Variants in TBL1Y observed in about 807,000 individuals in gnomAD.
TBL1Y encodes transducin beta like 1 Y-linked, also known as F-box-like/WD repeat-containing protein TBL1Y.
Under a neutral mutation model 12.0 loss-of-function variants are expected in TBL1Y, and 15 were observed. That is an observed-to-expected ratio of 1.25 (90% CI 0.83 to 1.92). TBL1Y has a LOEUF of 1.92. TBL1Y is among the 40% of genes most tolerant of loss of function. The pLI is 0.00. For synonymous variants in TBL1Y, 53 were observed against 42.6 expected (o/e 1.24, Z -0.95); for missense variants, 148 against 116.7 (o/e 1.27, Z -1.24).
At chrY:7,063,671 AAAGTG>A (rs2012917925) in intron 7 of TBL1Y, among the ~76,000 whole-genome samples, 2 of 33,218 alleles carry the variant, frequency 6.0e-5, no homozygotes, top group African/African-American at 1.2e-4. Context: ...GTTAAGTTTA[AAAGTG>A]AAGGTAAAAA....
chrY:6,984,092 T>C (rs2012301740), intron 3 of TBL1Y, among the ~76,000 whole-genome samples: 1 of 33,250 alleles, frequency 3.0e-5, no homozygotes, highest in South Asian at 7.1e-4. Flanking sequence ...GCTGCCCCTG[T>C]ACCTCACTAC....
At chrY:7,062,976 A>C in intron 7 of TBL1Y, among the ~76,000 whole-genome samples, 3 of 33,432 alleles carry the variant, frequency 9.0e-5, no homozygotes, top group Non-Finnish European at 2.2e-4. Flanking sequence ...AGTAATCGCC[A>C]CAGTATGTGA....
chrY:6,924,811 G>T (rs2011816504), intron 2 of TBL1Y, among the ~76,000 whole-genome samples: 1 of 32,914 alleles, frequency 3.0e-5, no homozygotes, highest in Non-Finnish European at 7.4e-5. Context: ...AATAAACTTG[G>T]GTCCTTGCCT....
chrY:6,968,645 C>G, intron 2 of TBL1Y, among the ~76,000 whole-genome samples: 4 of 33,338 alleles, frequency 1.2e-4, no homozygotes, highest in Non-Finnish European at 2.2e-4. Flanking sequence ...TTTCTGCACC[C>G]TTTGGCCTGG....
At chrY:6,938,623 C>G in intron 2 of TBL1Y, among the ~76,000 whole-genome samples, 1 of 33,863 alleles carries the variant, frequency 3.0e-5, no homozygotes, top group African/African-American at 1.1e-4. Context: ...TTGGGCCCAC[C>G]TGGAAGATCC....
chrY:6,964,195 A>G, intron 2 of TBL1Y, among the ~76,000 whole-genome samples: 1 of 32,992 alleles, frequency 3.0e-5, no homozygotes, highest in Non-Finnish European at 7.5e-5. Context: ...AATTACATCA[A>G]CTCCTGCTGA....
chrY:7,066,963 C>T, intron 8 of TBL1Y, among the ~76,000 whole-genome samples: 1 of 33,513 alleles, frequency 3.0e-5, no homozygotes, highest in Non-Finnish European at 7.4e-5. Flanking sequence ...GAGCAAAACA[C>T]TGTCTCAAAA....
At chrY:7,062,830 C>G in intron 7 of TBL1Y, among the ~76,000 whole-genome samples, 2 of 33,373 alleles carry the variant, frequency 6.0e-5, no homozygotes, top group Non-Finnish European at 1.5e-4. Context: ...GATGTCTCAC[C>G]TCTTTTTAAC....
At chrY:6,971,019 C>T (rs925325105) in intron 2 of TBL1Y, among the ~76,000 whole-genome samples, 1 of 33,985 alleles carries the variant, frequency 2.9e-5, no homozygotes, top group Non-Finnish European at 7.3e-5. Flanking sequence ...ACCTCTTGGG[C>T]ACACTAGCCT....
At chrY:7,063,867 T>G in intron 7 of TBL1Y, 30 bp from the exon 8 acceptor site, 1 of 397,741 alleles carries the variant, frequency 2.5e-6, no homozygotes, top group Non-Finnish European at 3.5e-6. Context: ...CCTTGTGAGC[T>G]GATGGCTGTC....
chrY:6,966,476 A>G, intron 2 of TBL1Y, among the ~76,000 whole-genome samples: 2 of 33,201 alleles, frequency 6.0e-5, no homozygotes, highest in Non-Finnish European at 1.5e-4. Flanking sequence ...TTTTTGCCTG[A>G]AAGGGTTGAA....
intron 6 of TBL1Y, among the ~76,000 whole-genome samples, chrY:7,027,121 G>A: frequency 3.1e-5 from 1 of 32,509 alleles, no homozygotes; most frequent in African/African-American, 1.2e-4. Context: ...ACGTTGGTCT[G>A]GAACTCCTGG....
intron 2 of TBL1Y, among the ~76,000 whole-genome samples, chrY:6,914,023 G>A (rs928778522): frequency 6.1e-5 from 2 of 32,960 alleles, no homozygotes; most frequent in African/African-American, 1.2e-4. Context: ...GGTCATGCGC[G>A]GTCATATTGG....
At chrY:6,943,228 A>C in intron 2 of TBL1Y, among the ~76,000 whole-genome samples, 1 of 32,871 alleles carries the variant, frequency 3.0e-5, no homozygotes, top group Non-Finnish European at 7.4e-5. Context: ...TGGTGGGTCT[A>C]CTGGATACAG....
chrY:6,978,561 G>A (rs2012260130), intron 3 of TBL1Y, among the ~76,000 whole-genome samples: 1 of 34,009 alleles, frequency 2.9e-5, no homozygotes, highest in Admixed American at 2.7e-4. Context: ...ACCTCATGAT[G>A]CAGTATGTTA....
At chrY:7,023,723 G>GT (rs2012595551) in intron 5 of TBL1Y, among the ~76,000 whole-genome samples, 9 of 30,770 alleles carry the variant, frequency 2.9e-4, no homozygotes, top group Admixed American at 5.9e-4. Flanking sequence ...GCAACACACT[G>GT]TTTTTTTTTT....
intron 17 of TBL1Y, among the ~76,000 whole-genome samples, chrY:7,088,079 G>A (rs2013151094): frequency 3.0e-5 from 1 of 33,093 alleles, no homozygotes; most frequent in Non-Finnish European, 7.4e-5. Flanking sequence ...GCTGGCTGCT[G>A]TGGGTATCTT....
intron 2 of TBL1Y, chrY:6,918,770 T>C: frequency 3.1e-5 from 1 of 32,118 alleles, no homozygotes; most frequent in African/African-American, 1.2e-4. Flanking sequence ...TATTTTCCTA[T>C]TTTCTGAGTT....
intron 6 of TBL1Y, among the ~76,000 whole-genome samples, chrY:7,037,901 G>A: frequency 2.9e-5 from 1 of 34,325 alleles, no homozygotes. Flanking sequence ...TGCAAAACCA[G>A]CACGACAGCT....
Sources: gnomAD v4.1 joint callset for allele counts (sites outside exome capture counted in the v4.1 genomes callset) on GRCh38, gnomAD v4.1.1 for gene constraint, MANE v1.5 for transcripts, NCBI Gene and HGNC (gene_info 2026-07-23, HGNC 2026-07-21) for gene names.